Variants in PDE1C observed in about 807,000 individuals in gnomAD.
The protein encoded by PDE1C is dual specificity calcium/calmodulin-dependent 3',5'-cyclic nucleotide phosphodiesterase 1C.
Under a neutral mutation model 93.1 loss-of-function variants are expected in PDE1C, and 62 were observed. That is an observed-to-expected ratio of 0.67 (90% CI 0.54 to 0.82). The LOEUF is 0.82. PDE1C is among the 40% of genes least tolerant of loss of function. The pLI, the probability that PDE1C is intolerant of heterozygous loss-of-function variation, is 0.00. For missense variants in PDE1C, 742 were observed against 884.6 expected, an observed-to-expected ratio of 0.84 and a Z score of 2.04; for synonymous variants, 325 against 310.1, an observed-to-expected ratio of 1.05 and a Z score of -0.50.
intron 2 of PDE1C, among the ~76,000 whole-genome samples, chr7:31,914,210 G>T (rs1801598705): frequency 6.6e-6 from 1 of 152,046 alleles, no homozygotes; most frequent in Non-Finnish European, 1.5e-5. Context: ...AACTGTAAAA[G>T]AAGTCAAAGT....
At chr7:32,132,405 T>G (rs538751652) in intron 3 of PDE1C, among the ~76,000 whole-genome samples, 2 of 152,170 alleles carry the variant, frequency 1.3e-5, no homozygotes, top group South Asian at 2.1e-4. Flanking sequence ...GGCTCACGCC[T>G]GTAATCCCAA....
At chr7:31,769,239 G>T (rs181064531) in intron 17 of PDE1C, among the ~76,000 whole-genome samples, 2 of 152,232 alleles carry the variant, frequency 1.3e-5, no homozygotes, top group Non-Finnish European at 2.9e-5. Context: ...TTAGCATATG[G>T]AAGATATTTT....
chr7:32,378,985 C>T (rs1242186605), intron 1 of PDE1C, among the ~76,000 whole-genome samples: 1 of 152,210 alleles, frequency 6.6e-6, no homozygotes, highest in East Asian at 1.9e-4. Context: ...TGTCACTCAC[C>T]TTCTTAAACC....
At chr7:31,643,171 G>A in the PDE1C span, 2 of 1,613,850 alleles carry the variant, frequency 1.2e-6, no homozygotes, top group East Asian at 2.2e-5. Context: ...AAGGTCACCT[G>A]GAAATGATCA....
At chr7:31,987,602 C>T (rs549530910) in intron 2 of PDE1C, among the ~76,000 whole-genome samples, 38 of 152,282 alleles carry the variant, frequency 2.5e-4, no homozygotes, top group Non-Finnish European at 4.9e-4. Context: ...AAATGAAAGG[C>T]CAGGGTCTTG....
chr7:32,037,723 A>G (rs1245351773), intron 2 of PDE1C, among the ~76,000 whole-genome samples: 3 of 152,110 alleles, frequency 2.0e-5, no homozygotes, highest in Admixed American at 1.3e-4. Flanking sequence ...TCTGGGTCCT[A>G]TATCTCTCCA....
chr7:32,279,169 C>T (rs1811472492), intron 1 of PDE1C, among the ~76,000 whole-genome samples: 1 of 152,158 alleles, frequency 6.6e-6, no homozygotes, highest in Non-Finnish European at 1.5e-5. Flanking sequence ...GTGTGTTCAA[C>T]ACTTTATCAC....
chr7:32,261,046 G>GT (rs1159493619), intron 1 of PDE1C, among the ~76,000 whole-genome samples: 1 of 152,050 alleles, frequency 6.6e-6, no homozygotes, highest in Non-Finnish European at 1.5e-5. Context: ...GGAGGTGGAG[G>GT]TTGCAGTGAG....
chr7:32,282,199 G>A (rs563855537), intron 1 of PDE1C, among the ~76,000 whole-genome samples: 7 of 151,804 alleles, frequency 4.6e-5, no homozygotes, highest in South Asian at 4.2e-4. Flanking sequence ...ATGGTCGGCC[G>A]GGTGTGGTGG....
At position 31,905,652 on chromosome 7, in the gene PDE1C, T is replaced by C. The variant is rs182475909; in HGVS notation, c.129-24792A>G. ...TTGAATAAATAGGTTAGATGAATAA[T>C]GAACACCAAACCAAATATTTCACTT... On this transcript the variant is annotated intron_variant, in intron 2 of 17. Transcript: ENST00000396191. Among the ~76,000 whole-genome samples, 9 of 152,318 alleles carry C rather than the reference T, an allele frequency of 5.9e-5. No individual in the cohort carries two copies. The East Asian group carries it at 1.3e-3, about 23-fold the overall frequency.
intron 2 of PDE1C, among the ~76,000 whole-genome samples, chr7:31,939,353 G>A (rs1446034968): frequency 2.0e-5 from 3 of 152,054 alleles, no homozygotes; most frequent in Admixed American, 6.6e-5. Flanking sequence ...AGTCTTCAAG[G>A]TTGTATCCAA....
At chr7:32,169,265 A>G (rs1802495001) in intron 3 of PDE1C, among the ~76,000 whole-genome samples, 2 of 152,214 alleles carry the variant, frequency 1.3e-5, no homozygotes, top group Admixed American at 6.5e-5. Flanking sequence ...ACCTTGCAGG[A>G]AGATGCAAGA....
rs374800565 is a variant in PDE1C, at chr7:31,816,121, G to A, written c.1616C>T (p.Ala539Val). The change falls in exon 15 of 18, where the codon GCT (alanine) becomes GTT (valine). Residue 539 changes from alanine (A) to valine (V), a missense_variant. Transcript: ENST00000396191. ...TTGCTGCTCCTCTGCGGCCAGGCGAGCCTTTTCCTCTGCTTCCTTCTTGGC... is the reference window on the plus strand; with the variant it reads ...TTGCTGCTCCTCTGCGGCCAGGCGAACCTTTTCCTCTGCTTCCTTCTTGGC... ...EKAKKEAEEK[A>V]RLAAEEQQKE... is the part of the protein sequence containing the mutation. 6.2e-6 allele frequency: 10 copies of A among 1,613,780 alleles called. No individual in the cohort carries two copies. The African/African-American group carries it at 1.3e-4, about 22-fold the overall frequency.
At chr7:31,618,858 T>C in the PDE1C span, among the ~76,000 whole-genome samples, 10 of 152,222 alleles carry the variant, frequency 6.6e-5, no homozygotes, top group Non-Finnish European at 1.3e-4. Flanking sequence ...TGATTATCAC[T>C]TTATTATAAA....
chr7:32,074,903 G>A (rs1285943916), upstream of PDE1C, among the ~76,000 whole-genome samples: 2 of 152,234 alleles, frequency 1.3e-5, no homozygotes, highest in African/African-American at 4.8e-5. Context: ...ATGCTGGAAT[G>A]ATCAGCCATT....
intron 1 of PDE1C, among the ~76,000 whole-genome samples, chr7:32,324,532 G>A (rs1783366319): frequency 1.3e-5 from 2 of 152,190 alleles, no homozygotes; most frequent in East Asian, 1.9e-4. Context: ...TAATAGTTCT[G>A]TGGAATTTGA....
chr7:31,799,409 G>A (rs1446917931), intron 16 of PDE1C, among the ~76,000 whole-genome samples: 1 of 151,638 alleles, frequency 6.6e-6, no homozygotes, highest in East Asian at 1.9e-4. Context: ...CCACTCAAGT[G>A]TAAAGTTGTA....
intron 11 of PDE1C, among the ~76,000 whole-genome samples, chr7:31,836,051 G>T (rs1791055242): frequency 6.6e-6 from 1 of 152,198 alleles, no homozygotes. Context: ...CCATGCTGTT[G>T]AATCTCTTTT....
the PDE1C span, among the ~76,000 whole-genome samples, chr7:31,640,315 C>T: frequency 6.6e-6 from 1 of 152,162 alleles, no homozygotes; most frequent in African/African-American, 2.4e-5. Context: ...GTTCTCTTCC[C>T]AGCTTTTGGT....
Sources: allele counts gnomAD v4.1 joint callset (sites outside exome capture counted in the v4.1 genomes callset), GRCh38; gene constraint gnomAD v4.1.1; transcripts MANE v1.5; gene names NCBI Gene and HGNC (gene_info 2026-07-23, HGNC 2026-07-21).